The following PLCB4 variants were observed in gnomAD, a reference collection of about 807,000 sequenced individuals.
The protein encoded by PLCB4 is 1-phosphatidylinositol 4,5-bisphosphate phosphodiesterase beta-4.
A neutral mutation model predicts 178.8 loss-of-function variants in PLCB4; 77 were observed. The ratio of observed to expected loss-of-function variants is 0.43; its 90% CI spans 0.36 to 0.52. The LOEUF is 0.52. PLCB4 is among the 20% of genes least tolerant of loss of function. The pLI, the probability that PLCB4 is intolerant of heterozygous loss-of-function variation, is 0.00. For missense variants in PLCB4, 1,024 were observed against 1,453.4 expected (o/e 0.70, Z 4.80); for synonymous variants, 496 against 490.8 (o/e 1.01, Z -0.14).
chr20:9,409,897 A>G (rs926492957), intron 24 of PLCB4, among the ~76,000 whole-genome samples: 3 of 152,194 alleles, frequency 2.0e-5, no homozygotes, highest in African/African-American at 7.2e-5. Context: ...ATAGATAGAA[A>G]TATGCCACAA....
At chr20:9,290,817 AAAT>A (rs2094573816) in intron 3 of PLCB4, among the ~76,000 whole-genome samples, 1 of 152,198 alleles carries the variant, frequency 6.6e-6, no homozygotes, top group African/African-American at 2.4e-5. Flanking sequence ...ATAGGAGCTC[AAAT>A]AATGTTTAAT....
At chr20:9,387,036 C>T (rs1602290920) in intron 14 of PLCB4, among the ~76,000 whole-genome samples, 1 of 151,704 alleles carries the variant, frequency 6.6e-6, no homozygotes, top group East Asian at 1.9e-4. Context: ...GGATTACAGC[C>T]TCCCAAGTAG....
At chr20:9,472,684 A>G in intron 36 of PLCB4, 106 bp from the exon 37 acceptor site, 1 of 583,402 alleles carries the variant, frequency 1.7e-6, no homozygotes. Context: ...AAATAAAGCA[A>G]TAATTCCATC....
At chr20:9,181,656 T>C (rs956448927) in intron 2 of PLCB4, among the ~76,000 whole-genome samples, 5 of 152,104 alleles carry the variant, frequency 3.3e-5, no homozygotes, top group Admixed American at 6.6e-5. Flanking sequence ...TGTTCTTTTA[T>C]AATGCTGTAA....
chr20:9,125,736 G>A (rs1297421118), intron 2 of PLCB4, among the ~76,000 whole-genome samples: 1 of 152,160 alleles, frequency 6.6e-6, no homozygotes. Flanking sequence ...ATATTTGTGG[G>A]ACTACCTTCC....
chr20:9,180,692 A>G lies in PLCB4; in HGVS notation c.-78-36698A>G, dbSNP rs2093231508. 2.0e-5 allele frequency among the ~76,000 whole-genome samples: 3 copies of G among 152,134 alleles called. No individual in the cohort carries two copies. The South Asian group carries it at 6.2e-4, about 32-fold the overall frequency. On this transcript the variant is annotated intron_variant, in intron 2 of 39. Transcript: ENST00000378473. ...TATGCAGATGACTTCAGTGTTCTCA[A>G]TTCCTCCCTTGGTTGAAGATCACAT... is the stretch of plus-strand genomic sequence containing the variant.
At chr20:9,367,747 C>A (rs2035904537) in intron 9 of PLCB4, among the ~76,000 whole-genome samples, 1 of 152,232 alleles carries the variant, frequency 6.6e-6, no homozygotes, top group Non-Finnish European at 1.5e-5. Flanking sequence ...TCCTATGAAT[C>A]AAGTCATTGT....
chr20:9,457,649 C>T lies in PLCB4; in HGVS notation c.3072+160C>T, dbSNP rs185873741. The stretch of plus-strand genomic sequence containing the variant: ...CAGGGGAGCCCAGGGTTCATGTTTG[C>T]CTCAGACTCACTGGCTTTAAGAAGA... On this transcript the variant is annotated intron_variant, in intron 34 of 39. Coordinates refer to ENST00000378473, the MANE Select transcript of PLCB4 (RefSeq NM_001377142.1). Among the ~76,000 whole-genome samples, 410 of 152,226 alleles carry T rather than the reference C, an allele frequency of 2.7e-3. 6 individuals are homozygous for T. Among genetic ancestry groups the T allele is most frequent in the Non-Finnish European group, 5.3e-4 (36 of 68,014 alleles).
chr20:9,183,419 TG>T (rs1568910682), intron 2 of PLCB4, among the ~76,000 whole-genome samples: 1 of 151,868 alleles, frequency 6.6e-6, no homozygotes, highest in African/African-American at 2.4e-5. Context: ...GCGGGAGGCA[TG>T]GGGGAAAGGG....
chr20:9,431,868 C>A (rs1177992707), intron 28 of PLCB4, among the ~76,000 whole-genome samples: 2 of 152,002 alleles, frequency 1.3e-5, no homozygotes, highest in African/African-American at 4.8e-5. Flanking sequence ...TATTTTAAAG[C>A]TTATTAAGAA....
intron 2 of PLCB4, among the ~76,000 whole-genome samples, chr20:9,169,218 A>G (rs987753724): frequency 6.6e-6 from 1 of 151,998 alleles, no homozygotes; most frequent in Admixed American, 6.6e-5. Flanking sequence ...TTAACACACA[A>G]TTTTCCAATG....
intron 21 of PLCB4, among the ~76,000 whole-genome samples, chr20:9,405,955 C>T (rs1360767709): frequency 6.6e-6 from 1 of 152,100 alleles, no homozygotes; most frequent in Admixed American, 6.5e-5. Context: ...GGGTCCTATC[C>T]TATTTGAAGT....
At chr20:9,293,693 G>T (rs1014560763) in intron 3 of PLCB4, among the ~76,000 whole-genome samples, 2 of 152,030 alleles carry the variant, frequency 1.3e-5, no homozygotes, top group Admixed American at 1.3e-4. Context: ...AGCAAGCAAG[G>T]CCCCAGCCTT....
chr20:9,448,619 A>T (rs1243556541), intron 32 of PLCB4, among the ~76,000 whole-genome samples: 2 of 131,784 alleles, frequency 1.5e-5, no homozygotes, highest in Non-Finnish European at 1.6e-5. Context: ...TTATGCACAG[A>T]CTTTTTTTTT....
chr20:9,212,819 T>C (rs2093686933), intron 2 of PLCB4, among the ~76,000 whole-genome samples: 1 of 152,232 alleles, frequency 6.6e-6, no homozygotes, highest in Non-Finnish European at 1.5e-5. Flanking sequence ...AAACTCACTA[T>C]GTGTATTATA....
chr20:9,069,656 CCTA>C (rs2089466832), intron 1 of PLCB4, among the ~76,000 whole-genome samples: 1 of 152,144 alleles, frequency 6.6e-6, no homozygotes, highest in Non-Finnish European at 1.5e-5. Flanking sequence ...GTTCGGGCCT[CCTA>C]AAAGCCTGTT....
intron 19 of PLCB4, among the ~76,000 whole-genome samples, chr20:9,400,943 A>G (rs1341922455): frequency 6.6e-6 from 1 of 152,148 alleles, no homozygotes; most frequent in Non-Finnish European, 1.5e-5. Flanking sequence ...TTTGAAACCT[A>G]TGCTAGGTTT....
chr20:9,296,500 A>G (rs2094636883), intron 3 of PLCB4, among the ~76,000 whole-genome samples: 1 of 152,168 alleles, frequency 6.6e-6, no homozygotes. Flanking sequence ...CAGCAATCCC[A>G]TTACTGGGTA....
intron 3 of PLCB4, among the ~76,000 whole-genome samples, chr20:9,248,999 C>T (rs1251198553): frequency 6.6e-6 from 1 of 152,182 alleles, no homozygotes; most frequent in Non-Finnish European, 1.5e-5. Context: ...CTAGCAGTTG[C>T]CTGCTTTCCT....
Sources: gnomAD v4.1 joint callset for allele counts (sites outside exome capture counted in the v4.1 genomes callset) on GRCh38, gnomAD v4.1.1 for gene constraint, MANE v1.5 for transcripts, NCBI Gene and HGNC (gene_info 2026-07-23, HGNC 2026-07-21) for gene names.